Variants in PROM2 observed in about 807,000 individuals in gnomAD.
PROM2 encodes prominin-2.
A neutral mutation model predicts 110.2 loss-of-function variants in PROM2; 90 were observed. The observed-to-expected ratio is 0.82, with a 90% CI of 0.69 to 0.97. The LOEUF (loss-of-function observed/expected upper bound fraction) is 0.97. Ranked by LOEUF, PROM2 falls within the 50% of genes least tolerant of loss-of-function variation. The probability of loss-of-function intolerance (pLI) is 0.00; values close to 1 mark genes in which losing one functional copy is unlikely to be tolerated. For synonymous variants in PROM2, 470 were observed against 467.8 expected, an observed-to-expected ratio of 1.00 and a Z score of -0.06; for missense variants, 1,009 against 1,074.8, an observed-to-expected ratio of 0.94 and a Z score of 0.86.
At chr2:95,279,512 G>T (rs1389284739) in intron 10 of PROM2, among the ~76,000 whole-genome samples, 1 of 152,062 alleles carries the variant, frequency 6.6e-6, no homozygotes, top group East Asian at 1.9e-4. Flanking sequence ...GGCCAGGATT[G>T]TCTCTATCTC....
chr2:95,286,552 T>C lies in PROM2; in HGVS notation c.2021T>C (p.Val674Ala), dbSNP rs763883954. 6.2e-6 allele frequency: 10 copies of C among 1,613,102 alleles called. No individual in the cohort carries two copies. Among genetic ancestry groups the C allele is most frequent in the Non-Finnish European group, 8.5e-6 (10 of 1,179,778 alleles). ...AGAAACCTTCACCAGGAGAAGGTCG[T>C]CCCCCAGCAGAGCCTTGTGGTCAGT... ...GLRNLHQEKVVPQQSLVAKLN... is the reference protein window; with the variant it reads ...GLRNLHQEKVAPQQSLVAKLN... Residue 674 changes from valine to alanine, a missense_variant, in exon 17 of 24, where the codon GTC (valine) becomes GCC (alanine). Val to Ala is a moderately conservative substitution (Grantham distance 64). Transcript: ENST00000317620.
At position 95,276,132 on chromosome 2, in the gene PROM2, T is replaced by C. The variant is rs772292870; in HGVS notation, c.497T>C (p.Leu166Pro). ...VFLLLTTLLL[L>P]IGVVCAFVTN... ...CTGCTGCTGACCACCCTCTTGCTGC[T>C]GTAAGGCGCTGCCCAGGGCCCGGGT... is the stretch of plus-strand genomic sequence containing the variant. The change falls in exon 3 of 24, where the codon CTG becomes CCG. Residue 166 changes from leucine (L) to proline (P), a missense_variant and splice_region_variant. Leu to Pro is a moderately conservative substitution (Grantham distance 98, BLOSUM62 -3). Coordinates refer to ENST00000317620, the MANE Select transcript of PROM2 (RefSeq NM_001165978.3). The surrounding 1 kb of genome is among the most constrained non-coding windows in gnomAD (Gnocchi z 4.6). 7 of 1,611,936 alleles carry C rather than the reference T, an allele frequency of 4.3e-6. No individual in the cohort carries two copies. In the Admixed American group the frequency reaches 1.2e-4, roughly 27 times the overall value.
At chr2:95,284,943 C>T (rs894660222) in intron 14 of PROM2, 26 bp from the exon 15 acceptor site, 1 of 1,603,104 alleles carries the variant, frequency 6.2e-7, no homozygotes, top group Non-Finnish European at 8.5e-7. Flanking sequence ...CTGGGCATGA[C>T]TCCCACCCTG....
In PROM2 at chr2:95,276,584, G is replaced by A. The variant is rs1369828010; in HGVS notation, c.619-10G>A. 6.8e-6 allele frequency: 11 copies of A among 1,613,856 alleles called. No homozygotes were observed. The highest frequency in any genetic ancestry group is 9.3e-6 in the Non-Finnish European group (11 of 1,180,024). On this transcript the variant is annotated splice_polypyrimidine_tract_variant and intron_variant, in intron 4 of 23. Transcript: ENST00000317620. This position sits in a 1 kb window ranked among gnomAD's most constrained non-coding sequence, Gnocchi z 4.6. The stretch of plus-strand genomic sequence containing the variant: ...AGGAAGGGCAGCCTCAGGGCCTTGT[G>A]TTTGCCTAGGAGCTGCAGGCCGTGG...
At position 95,277,503 on chromosome 2, in the gene PROM2, G is replaced by A. The variant is rs1676745484; in HGVS notation, c.912G>A (p.Gln304=). 6.2e-7 allele frequency: 1 copy of A among 1,611,176 alleles called. No individual in the cohort carries two copies. Among genetic ancestry groups the A allele is most frequent in the Admixed American group, 1.7e-5 (1 of 59,866 alleles). ...LLELLQEARC[Q]GDCAGALSWA... ...AGCTGCTGCAGGAGGCCAGGTGCCA[G>A]GGAGATTGTGCAGGGGCCCTGAGCT... Residue 304 remains glutamine, a synonymous_variant, in exon 7 of 24, where the codon CAG becomes CAA. Coordinates refer to ENST00000317620, the MANE Select transcript of PROM2 (RefSeq NM_001165978.3).
chr2:95,281,195 G>T lies in PROM2; in HGVS notation c.1428-47G>T, dbSNP rs113783015. 1.9e-3 allele frequency: 2,969 copies of T among 1,599,212 alleles called. 3 individuals are homozygous for T. The highest frequency in any genetic ancestry group is 2.0e-3 in the Non-Finnish European group (2,378 of 1,175,716). The stretch of plus-strand genomic sequence containing the variant: ...GGGTGGGACAGAGGGTATGGTCAGG[G>T]CAGCCAGTCCCTGCTGTCCCTCAGT... On this transcript the variant is annotated intron_variant, in intron 11 of 23. Transcript: ENST00000317620.
chr2:95,288,799 G>T (rs1023995161), intron 22 of PROM2, 134 bp from the exon 23 acceptor site: 1 of 947,214 alleles, frequency 1.1e-6, no homozygotes, highest in South Asian at 1.4e-5. Context: ...CCATTTGGGC[G>T]CAGCTTCGTG....
At chr2:95,285,526 A>C (rs1677302765) in intron 15 of PROM2, 113 bp from the exon 16 acceptor site, 2 of 786,354 alleles carry the variant, frequency 2.5e-6, no homozygotes, top group South Asian at 3.6e-5. Flanking sequence ...CAATACACTT[A>C]GCTGGTGTAG....
Position 95,288,947 on chromosome 2 carries a change from A to C in PROM2, c.2456A>C (p.Glu819Ala). 1 of 1,614,054 alleles carries C rather than the reference A, an allele frequency of 6.2e-7. No individual in the cohort carries two copies. Among genetic ancestry groups the C allele is most frequent in the Non-Finnish European group, 8.5e-7 (1 of 1,179,938 alleles). The part of the protein sequence containing the change: ...IRKRLSSTSS[E>A]ETQLFHIPRV... ...TGACACTGCAGCTCCACCAGCTCTG[A>C]GGAGACTCAGCTCTTCCACATCCCC... Residue 819 changes from glutamate (E) to alanine (A), a missense_variant, in exon 23 of 24, where the codon GAG (glutamate) becomes GCG (alanine). Physicochemically the swap from Glu to Ala is moderately radical, Grantham distance 107 (BLOSUM62 -1). Coordinates refer to ENST00000317620, the MANE Select transcript of PROM2 (RefSeq NM_001165978.3).
intron 20 of PROM2, 33 bp from the exon 21 acceptor site, chr2:95,288,176 GTC>G (rs759899138): frequency 1.2e-6 from 2 of 1,606,542 alleles, no homozygotes; most frequent in Non-Finnish European, 1.7e-6. Context: ...GGGTCCAGGT[GTC>G]TCTGCATCAC....
intron 14 of PROM2, 91 bp from the exon 15 acceptor site, chr2:95,284,878 A>G: frequency 7.3e-7 from 1 of 1,373,336 alleles, no homozygotes; most frequent in South Asian, 1.5e-5. Flanking sequence ...TCCAAACCAT[A>G]TCGCCTGGTG....
At chr2:95,281,670 G>A (rs1326575551) in intron 12 of PROM2, among the ~76,000 whole-genome samples, 1 of 152,156 alleles carries the variant, frequency 6.6e-6, no homozygotes, top group Non-Finnish European at 1.5e-5. Flanking sequence ...TGCCCGGTGA[G>A]CTGCGATGCT....
rs796818882 is a variant in PROM2 at position 95,278,853 on chromosome 2, G to A, written c.1114+69G>A. On this transcript the variant is annotated intron_variant, in intron 9 of 23. Coordinates refer to ENST00000317620, the MANE Select transcript of PROM2 (RefSeq NM_001165978.3). ...CACCCCACCCCTACCAGGGAGGCTT[G>A]TTGAGAGAGGACTGGGGTGGCGGGG... 1.9e-5 allele frequency: 31 copies of A among 1,609,612 alleles called. No homozygotes were observed. In the African/African-American group the frequency reaches 4.1e-4, roughly 21 times the overall value.
chr2:95,281,861 AG>A, intron 12 of PROM2, 63 bp from the exon 13 acceptor site: 2 of 1,131,216 alleles, frequency 1.8e-6, no homozygotes, highest in South Asian at 2.5e-5. Flanking sequence ...GCCAGGCCCT[AG>A]GGGACCAGGG....
chr2:95,275,351 G>A lies in PROM2; in HGVS notation c.245-110G>A. Reference sequence around the variant, plus strand: ...AGCCTTCTGCGAGGGTGCCATGGTGGTGGCAGGAGCCCTGCCTCAGAGCCA... The same window carrying A: ...AGCCTTCTGCGAGGGTGCCATGGTGATGGCAGGAGCCCTGCCTCAGAGCCA... On this transcript the variant is annotated intron_variant, in intron 1 of 23. Coordinates refer to ENST00000317620, the MANE Select transcript of PROM2 (RefSeq NM_001165978.3). The surrounding 1 kb of genome is among the most constrained non-coding windows in gnomAD (Gnocchi z 4.4). 2 of 1,014,510 alleles carry A rather than the reference G, an allele frequency of 2.0e-6. No homozygotes were observed. The highest frequency in any genetic ancestry group is 3.0e-6 in the Non-Finnish European group (2 of 677,136). 62.8% of individuals were successfully genotyped at this position (1,014,510 alleles called of 1,614,324 possible).
intron 14 of PROM2, among the ~76,000 whole-genome samples, chr2:95,283,674 A>C (rs528737340): frequency 7.2e-5 from 11 of 152,314 alleles, no homozygotes; most frequent in African/African-American, 2.6e-4. Flanking sequence ...CTCTGACCTC[A>C]GTTTCTTATC....
At position 95,276,739 on chromosome 2, in the gene PROM2, C is replaced by T; in HGVS notation, c.682+82C>T. 6.8e-7 allele frequency: 1 copy of T among 1,474,578 alleles called. No individual in the cohort carries two copies. Among genetic ancestry groups the T allele is most frequent in the Non-Finnish European group, 9.4e-7 (1 of 1,061,334 alleles). 91.3% of individuals were successfully genotyped at this position (1,474,578 alleles called of 1,614,324 possible). ...TGCCTCGGTGGGGGCCTCTCACTCC[C>T]TCATTCTGGACACCCCCGGGAACAG... On this transcript the variant is annotated intron_variant, in intron 5 of 23. Transcript: ENST00000317620. This position sits in a 1 kb window ranked among gnomAD's most constrained non-coding sequence, Gnocchi z 4.6.
intron 11 of PROM2, among the ~76,000 whole-genome samples, chr2:95,280,424 C>T (rs1318074973): frequency 1.3e-5 from 2 of 152,234 alleles, no homozygotes; most frequent in African/African-American, 4.8e-5. Context: ...CTTTCCAAGC[C>T]TCACAGCCTG....
chr2:95,274,639 G>C lies in PROM2; in HGVS notation c.54G>C (p.Leu18=). The change falls in exon 1 of 24, where the codon CTG becomes CTC. Residue 18 remains leucine (L), a synonymous_variant. Transcript: ENST00000317620. ...LAPLLGLGLG[L]ALSQLAAGAT... Reference sequence around the variant, plus strand: ...CCCTGCTGGGCCTGGGCCTGGGGCTGGCCCTGAGTCAGCTGGCTGCAGGGG... The same window carrying C: ...CCCTGCTGGGCCTGGGCCTGGGGCTCGCCCTGAGTCAGCTGGCTGCAGGGG... 11 of 1,609,226 alleles carry C rather than the reference G, an allele frequency of 6.8e-6. No homozygotes were observed. The highest frequency in any genetic ancestry group is 9.3e-6 in the Non-Finnish European group (11 of 1,176,872).
Sources: allele counts gnomAD v4.1 joint callset (sites outside exome capture counted in the v4.1 genomes callset), GRCh38; gene constraint gnomAD v4.1.1; non-coding constraint Gnocchi (gnomAD v3.1); transcripts MANE v1.5; gene names NCBI Gene and HGNC (gene_info 2026-07-23, HGNC 2026-07-21).